The following PLEKHH2 variants were observed in gnomAD, a reference collection of about 807,000 sequenced individuals.
PLEKHH2 encodes the protein pleckstrin homology domain-containing family H member 2.
PLEKHH2 carries 129 observed loss-of-function variants against 187.9 expected under a neutral mutation model. The ratio of observed to expected loss-of-function variants is 0.69; its 90% CI spans 0.59 to 0.79. PLEKHH2 has a LOEUF of 0.79. Among genes scored for constraint, PLEKHH2 ranks in the 30% least tolerant of loss-of-function variants. PLEKHH2 has a pLI of 0.00. For synonymous variants in PLEKHH2, 686 were observed against 605.6 expected, an observed-to-expected ratio of 1.13 and a Z score of -1.95; for missense variants, 2,076 against 1,751.2, an observed-to-expected ratio of 1.19 and a Z score of -3.31.
At chr2:43,751,907 A>G (rs1282538563) in intron 24 of PLEKHH2, among the ~76,000 whole-genome samples, 3 of 145,960 alleles carry the variant, frequency 2.1e-5, no homozygotes, top group Non-Finnish European at 4.5e-5. Flanking sequence ...CATGTCCAGT[A>G]TTGTTTCTCT....
intron 11 of PLEKHH2, among the ~76,000 whole-genome samples, chr2:43,709,245 G>A (rs1435448318): frequency 6.6e-6 from 1 of 152,094 alleles, no homozygotes; most frequent in African/African-American, 2.4e-5. Flanking sequence ...AAACTGCTTA[G>A]TAGCTTATGG....
intron 11 of PLEKHH2, among the ~76,000 whole-genome samples, chr2:43,708,760 T>C (rs1669796415): frequency 6.6e-6 from 1 of 152,218 alleles, no homozygotes; most frequent in Admixed American, 6.5e-5. Flanking sequence ...ACATTGCCCC[T>C]GCCTAACTCT....
intron 22 of PLEKHH2, 140 bp from the exon 23 acceptor site, chr2:43,743,694 C>G (rs1220746766): frequency 9.8e-6 from 8 of 813,826 alleles, no homozygotes; most frequent in Non-Finnish European, 1.4e-5. Context: ...TCCAGAGGAG[C>G]TTTGGGAAAA....
chr2:43,684,171 C>T (rs1475008395), intron 3 of PLEKHH2, among the ~76,000 whole-genome samples: 3 of 151,228 alleles, frequency 2.0e-5, no homozygotes, highest in Non-Finnish European at 2.9e-5. Context: ...ACTATACTCC[C>T]CTTCCTTTTC....
intron 15 of PLEKHH2, among the ~76,000 whole-genome samples, chr2:43,719,080 C>A (rs186991994): frequency 2.6e-5 from 4 of 152,176 alleles, no homozygotes; most frequent in Non-Finnish European, 5.9e-5. Context: ...TTGGTTCTCA[C>A]AACAGCCCAG....
chr2:43,735,003 A>T (rs1671221393), intron 19 of PLEKHH2, among the ~76,000 whole-genome samples: 1 of 152,156 alleles, frequency 6.6e-6, no homozygotes. Context: ...TCTACTAAAA[A>T]TACAAAATTT....
At chr2:43,738,000 A>G (rs1671375149) in intron 19 of PLEKHH2, among the ~76,000 whole-genome samples, 1 of 152,232 alleles carries the variant, frequency 6.6e-6, no homozygotes, top group South Asian at 2.1e-4. Flanking sequence ...TGAAAAATGC[A>G]GTGACTAAAA....
intron 2 of PLEKHH2, among the ~76,000 whole-genome samples, chr2:43,651,544 T>C (rs1376816218): frequency 6.6e-6 from 1 of 152,136 alleles, no homozygotes; most frequent in East Asian, 1.9e-4. Context: ...TCAAGACAAA[T>C]GCTTTTCAGC....
At chr2:43,733,874 C>G (rs1671167495) in intron 19 of PLEKHH2, among the ~76,000 whole-genome samples, 1 of 152,106 alleles carries the variant, frequency 6.6e-6, no homozygotes, top group African/African-American at 2.4e-5. Context: ...GTAGAGTACA[C>G]CAATACCTAA....
At chr2:43,729,463 G>T (rs1670930903) in intron 17 of PLEKHH2, among the ~76,000 whole-genome samples, 174 bp from the exon 18 acceptor site, 1 of 152,170 alleles carries the variant, frequency 6.6e-6, no homozygotes, top group Non-Finnish European at 1.5e-5. Flanking sequence ...TATAAACACA[G>T]TTCAAGTGAG....
intron 17 of PLEKHH2, among the ~76,000 whole-genome samples, chr2:43,728,945 A>T (rs1158823884): frequency 6.6e-6 from 1 of 152,206 alleles, no homozygotes; most frequent in Non-Finnish European, 1.5e-5. Context: ...TTAACAGATG[A>T]TAGCTGTCAC....
chr2:43,652,210 T>G (rs1013540755), intron 2 of PLEKHH2, among the ~76,000 whole-genome samples: 2 of 152,206 alleles, frequency 1.3e-5, no homozygotes, highest in Non-Finnish European at 2.9e-5. Flanking sequence ...TTGCTAGACA[T>G]TTGGCAGATG....
intron 7 of PLEKHH2, 88 bp from the exon 8 acceptor site, chr2:43,699,559 A>T: frequency 1.4e-6 from 2 of 1,471,578 alleles, no homozygotes; most frequent in Non-Finnish European, 1.8e-6. Context: ...TACAGTGTCA[A>T]TTTCTACAGT....
At chr2:43,740,610 T>C (rs768688957) in intron 20 of PLEKHH2, among the ~76,000 whole-genome samples, 29 of 152,268 alleles carry the variant, frequency 1.9e-4, no homozygotes, top group Non-Finnish European at 3.4e-4. Flanking sequence ...AAACTATTAC[T>C]TGTATTTCAA....
chr2:43,720,791 G>A (rs755070785), intron 16 of PLEKHH2, 42 bp downstream of exon 16: 3 of 1,576,440 alleles, frequency 1.9e-6, no homozygotes, highest in African/African-American at 1.4e-5. Flanking sequence ...GTAACTTTTT[G>A]TGTGTTAGGG....
At chr2:43,754,435 G>A (rs1672133227) in intron 25 of PLEKHH2, among the ~76,000 whole-genome samples, 1 of 152,038 alleles carries the variant, frequency 6.6e-6, no homozygotes, top group African/African-American at 2.4e-5. Context: ...ATGCTCTCCC[G>A]CACTTGAGAA....
chr2:43,657,003 G>C (rs1276968093), intron 2 of PLEKHH2, among the ~76,000 whole-genome samples: 1 of 151,550 alleles, frequency 6.6e-6, no homozygotes, highest in Non-Finnish European at 1.5e-5. Flanking sequence ...TGGGCAACAA[G>C]AGCAAAACTC....
At chr2:43,682,350 G>A (rs1455094002) in intron 3 of PLEKHH2, among the ~76,000 whole-genome samples, 2 of 151,732 alleles carry the variant, frequency 1.3e-5, no homozygotes, top group Non-Finnish European at 2.9e-5. Flanking sequence ...TCTGTCACCT[G>A]GGCTGGAGTG....
Position 43,700,574 on chromosome 2 carries a change from C to T in PLEKHH2, c.1616C>T (p.Pro539Leu), listed in dbSNP as rs936405994. ...DSAKKVAYSK[P>L]PTPPLHRFPS... The stretch of plus-strand genomic sequence containing the variant: ...GCAAAGAAGGTGGCATACAGCAAAC[C>T]TCCAACTCCTCCCCTGCACCGTTTT... Residue 539 changes from proline (P) to leucine (L), a missense_variant, in exon 8 of 30, where the codon CCT becomes CTT. Transcript: ENST00000282406. The T allele has an allele frequency of 4.3e-6, 7 of 1,611,924 alleles. No homozygotes were observed. Among genetic ancestry groups the T allele is most frequent in the Non-Finnish European group, 5.9e-6 (7 of 1,179,756 alleles).
Sources: gnomAD v4.1 joint callset for allele counts (sites outside exome capture counted in the v4.1 genomes callset) on GRCh38, gnomAD v4.1.1 for gene constraint, MANE v1.5 for transcripts, NCBI Gene and HGNC (gene_info 2026-07-23, HGNC 2026-07-21) for gene names.